Variants in FOXP2 observed in about 807,000 individuals in gnomAD.
FOXP2 encodes forkhead box protein P2.
FOXP2 carries 12 observed loss-of-function variants against 115.8 expected under a neutral mutation model. The ratio of observed to expected loss-of-function variants is 0.10; its 90% CI spans 0.07 to 0.17. The LOEUF (loss-of-function observed/expected upper bound fraction) is 0.17. FOXP2 is among the 10% of genes least tolerant of loss of function. The pLI, the probability that FOXP2 is intolerant of heterozygous loss-of-function variation, is 1.00. For missense variants in FOXP2, 629 were observed against 843.5 expected (o/e 0.75, Z 3.15); for synonymous variants, 328 against 297.7 (o/e 1.10, Z -1.05).
chr7:114,147,699 A>C (rs985937623), intron 1 of FOXP2, among the ~76,000 whole-genome samples: 7 of 152,218 alleles, frequency 4.6e-5, no homozygotes, highest in African/African-American at 1.4e-4. Context: ...AATTTAAAAC[A>C]TATCTTCCAA....
intron 2 of FOXP2, among the ~76,000 whole-genome samples, chr7:114,447,394 C>T (rs1184258155): frequency 6.6e-6 from 1 of 151,596 alleles, no homozygotes; most frequent in Non-Finnish European, 1.5e-5. Flanking sequence ...ATAAAGGCCA[C>T]TGTGCCTAGC....
chr7:114,583,541 A>G (rs1437349246), intron 3 of FOXP2, among the ~76,000 whole-genome samples: 1 of 152,140 alleles, frequency 6.6e-6, no homozygotes, highest in Admixed American at 6.5e-5. Context: ...CCTTACTATC[A>G]ACATTTTTCC....
chr7:114,580,766 GT>G (rs1486315236), intron 3 of FOXP2, among the ~76,000 whole-genome samples: 3 of 152,114 alleles, frequency 2.0e-5, no homozygotes, highest in Non-Finnish European at 1.5e-5. Flanking sequence ...AAAATAGCAA[GT>G]TTGACCATAG....
chr7:114,297,859 C>T (rs1796781320), intron 2 of FOXP2, among the ~76,000 whole-genome samples: 1 of 152,114 alleles, frequency 6.6e-6, no homozygotes, highest in African/African-American at 2.4e-5. Context: ...TATAGTGGGG[C>T]TGAAAGTATA....
Position 114,218,117 on chromosome 7 carries a change from C to A in FOXP2, c.-102+55029C>A, listed in dbSNP as rs1256307847. On this transcript the variant is annotated intron_variant, in intron 1 of 17. Coordinates refer to the FOXP2 transcript ENST00000634411. ...GACTGTGAGGACTCTGTCCCCCATA[C>A]CTCAGAAAGTGCTAACACTCATAAA... Among the ~76,000 whole-genome samples, 4 of 152,138 alleles carry A rather than the reference C, an allele frequency of 2.6e-5. No homozygotes were observed. The East Asian group carries it at 7.7e-4, about 29-fold the overall frequency.
At position 114,649,565 on chromosome 7, in the gene FOXP2, C is replaced by T. The variant is rs528823524; in HGVS notation, c.1095-2638C>T. ...ATAAAAACATAAAAGAGAATAATTT[C>T]GGCACAAAATAGTCATAAATTCATA... On this transcript the variant is annotated intron_variant, in intron 8 of 16. Coordinates refer to ENST00000350908, the MANE Select transcript of FOXP2 (RefSeq NM_014491.4). 3.0e-4 allele frequency among the ~76,000 whole-genome samples: 45 copies of T among 152,062 alleles called. No homozygotes were observed. The South Asian group carries it at 4.1e-3, about 14-fold the overall frequency.
At position 114,628,690 on chromosome 7, in the gene FOXP2, A is replaced by G; in HGVS notation, c.396+13A>G. ...CATGCTGCAGCAGGTAATGTGGGTT[A>G]CCTGCTTTGGTGTTCTAGCATGACT... On this transcript the variant is annotated intron_variant, in intron 4 of 16. Transcript: ENST00000350908. The G allele has an allele frequency of 6.2e-7, 1 of 1,613,904 alleles. No homozygotes were observed. Among genetic ancestry groups the G allele is most frequent in the Non-Finnish European group, 8.5e-7 (1 of 1,179,908 alleles).
intron 2 of FOXP2, among the ~76,000 whole-genome samples, chr7:114,361,544 T>A (rs550009435): frequency 1.3e-4 from 19 of 151,696 alleles, no homozygotes; most frequent in Admixed American, 3.3e-4. Flanking sequence ...GCTTAAATTA[T>A]AAAAGTTATT....
intron 1 of FOXP2, among the ~76,000 whole-genome samples, chr7:114,206,717 T>C (rs1794211081): frequency 6.6e-6 from 1 of 152,226 alleles, no homozygotes; most frequent in African/African-American, 2.4e-5. Context: ...AGATCTTTGA[T>C]AAGTTTCATT....
chr7:114,637,145 A>C (rs1805266929), intron 6 of FOXP2, among the ~76,000 whole-genome samples: 1 of 152,100 alleles, frequency 6.6e-6, no homozygotes, highest in South Asian at 2.1e-4. Context: ...ATGCCATTGC[A>C]CTCCAGCGAG....
In FOXP2 at chr7:114,445,982, T is replaced by A. The variant is rs140129273; in HGVS notation, c.168+19303T>A. Among the ~76,000 whole-genome samples the A allele has an allele frequency of 6.7e-4, 102 of 152,208 alleles. 2 individuals carry two copies. In the East Asian group the frequency reaches 0.019, roughly 28 times the overall value. On this transcript the variant is annotated intron_variant, in intron 2 of 16. Transcript: ENST00000350908. ...CCAATCTGGTACTGTAATTAGAAATTCACCTTCATTCTGACTCATATAATA... is the reference window on the plus strand; with the variant it reads ...CCAATCTGGTACTGTAATTAGAAATACACCTTCATTCTGACTCATATAATA...
chr7:114,573,734 A>C (rs1045035270), intron 3 of FOXP2, among the ~76,000 whole-genome samples: 7 of 151,756 alleles, frequency 4.6e-5, no homozygotes, highest in Non-Finnish European at 8.8e-5. Context: ...TATCACACCT[A>C]ATTCACTTAA....
intron 1 of FOXP2, among the ~76,000 whole-genome samples, chr7:114,176,208 TG>T (rs1793286608): frequency 6.6e-6 from 1 of 151,590 alleles, no homozygotes; most frequent in African/African-American, 2.4e-5. Context: ...TGTCTTGTCT[TG>T]TCTTGTCTTG....
intron 1 of FOXP2, among the ~76,000 whole-genome samples, chr7:114,091,740 T>G (rs1751345159): frequency 6.6e-6 from 1 of 152,012 alleles, no homozygotes; most frequent in African/African-American, 2.4e-5. Context: ...TCTTCCAGTT[T>G]GCCAAGTACA....
At chr7:114,427,929 A>C (rs919998973) in intron 2 of FOXP2, among the ~76,000 whole-genome samples, 5 of 151,698 alleles carry the variant, frequency 3.3e-5, no homozygotes, top group African/African-American at 1.2e-4. Flanking sequence ...TAAGTATTAG[A>C]AAAACAATTT....
At chr7:114,131,825 G>T (rs182265830) in intron 1 of FOXP2, among the ~76,000 whole-genome samples, 1 of 152,096 alleles carries the variant, frequency 6.6e-6, no homozygotes, top group Non-Finnish European at 1.5e-5. Flanking sequence ...TTCACATAGG[G>T]TAGTTATATT....
Position 114,116,299 on chromosome 7 carries a change from G to A in FOXP2, c.-247+28461G>A, listed in dbSNP as rs556533392. On this transcript the variant is annotated intron_variant, in intron 1 of 19. Coordinates refer to the FOXP2 transcript ENST00000635638. ...TCTGGGAACCAGAGTGGCAGAAGAAGGGGCAGTTGCAAGTAAGAAAACTGC... is the reference window on the plus strand; with the variant it reads ...TCTGGGAACCAGAGTGGCAGAAGAAAGGGCAGTTGCAAGTAAGAAAACTGC... 1.7e-4 allele frequency among the ~76,000 whole-genome samples: 26 copies of A among 152,240 alleles called. No individual in the cohort carries two copies. The South Asian group carries it at 4.1e-3, about 24-fold the overall frequency.
intron 2 of FOXP2, among the ~76,000 whole-genome samples, chr7:114,341,370 A>G (rs1314238434): frequency 1.3e-5 from 2 of 151,272 alleles, no homozygotes; most frequent in Non-Finnish European, 1.5e-5. Flanking sequence ...TAGCAAAAAC[A>G]TATATAGTAT....
chr7:114,460,985 C>T lies in FOXP2; in HGVS notation c.168+34306C>T, dbSNP rs76900253. 8.2e-3 allele frequency among the ~76,000 whole-genome samples: 1,242 copies of T among 152,140 alleles called. 15 individuals are homozygous for T. In the Middle Eastern group the frequency reaches 0.085, roughly 10 times the overall value. On this transcript the variant is annotated intron_variant, in intron 2 of 16. Coordinates refer to ENST00000350908, the MANE Select transcript of FOXP2 (RefSeq NM_014491.4). ...TGTCTTAATAAGCTGCAGTTATTGA[C>T]GGGAAGGTGTCTGCTGACTCAAGTT...
Sources: gnomAD v4.1 joint callset for allele counts (sites outside exome capture counted in the v4.1 genomes callset) on GRCh38, gnomAD v4.1.1 for gene constraint, MANE v1.5 for transcripts, NCBI Gene and HGNC (gene_info 2026-07-23, HGNC 2026-07-21) for gene names.